Variants in CAMK1D observed in about 807,000 individuals in gnomAD.
CAMK1D encodes the protein calcium/calmodulin-dependent protein kinase type 1D.
Under a neutral mutation model 47.7 loss-of-function variants are expected in CAMK1D, and 9 were observed. The ratio of observed to expected loss-of-function variants is 0.19; its 90% CI spans 0.11 to 0.33. The LOEUF (loss-of-function observed/expected upper bound fraction) is 0.33. CAMK1D is among the 10% of genes least tolerant of loss of function. The pLI, the probability that CAMK1D is intolerant of heterozygous loss-of-function variation, is 1.00. For synonymous variants in CAMK1D, 184 were observed against 184.9 expected (o/e 0.99, Z 0.04); for missense variants, 291 against 488.7 (o/e 0.60, Z 3.81).
intron 2 of CAMK1D, among the ~76,000 whole-genome samples, chr10:12,625,765 C>A (rs11257920): frequency 0.44 from 67,061 of 151,576 alleles, 17,080 homozygotes; most frequent in Non-Finnish European, 0.54. Context: ...TAGTAGACTC[C>A]TTACACGTCT....
At chr10:12,614,038 T>G (rs1838708990) in intron 2 of CAMK1D, among the ~76,000 whole-genome samples, 1 of 152,152 alleles carries the variant, frequency 6.6e-6, no homozygotes, top group Non-Finnish European at 1.5e-5. Flanking sequence ...GCTTTTCTCC[T>G]TAATTATTAT....
chr10:12,761,367 G>A (rs930356151), intron 4 of CAMK1D, among the ~76,000 whole-genome samples: 10 of 152,074 alleles, frequency 6.6e-5, no homozygotes, highest in Admixed American at 5.2e-4. Context: ...ATATTGCTTC[G>A]AGCCTATCTA....
intron 6 of CAMK1D, among the ~76,000 whole-genome samples, chr10:12,804,293 A>C (rs1838616409): frequency 6.6e-6 from 1 of 152,180 alleles, no homozygotes; most frequent in Non-Finnish European, 1.5e-5. Context: ...TGTTCATCAA[A>C]GAATAATCGA....
chr10:12,694,501 T>C (rs1833165442), intron 3 of CAMK1D, among the ~76,000 whole-genome samples: 1 of 124,530 alleles, frequency 8.0e-6, no homozygotes, highest in Non-Finnish European at 1.6e-5. Flanking sequence ...TAACATAAAA[T>C]ATATATTATA....
chr10:12,443,315 A>G (rs1038476991), intron 1 of CAMK1D, among the ~76,000 whole-genome samples: 1 of 152,200 alleles, frequency 6.6e-6, no homozygotes, highest in Non-Finnish European at 1.5e-5. Flanking sequence ...GGGCTAACCT[A>G]TGTTGCCTCC....
At chr10:12,374,714 G>A (rs143102407) in intron 1 of CAMK1D, among the ~76,000 whole-genome samples, 4 of 152,130 alleles carry the variant, frequency 2.6e-5, no homozygotes, top group African/African-American at 7.2e-5. Flanking sequence ...AGGCTGAGGC[G>A]GGTGGGATCA....
At chr10:12,361,401 C>T (rs544787981) in intron 1 of CAMK1D, among the ~76,000 whole-genome samples, 6 of 151,792 alleles carry the variant, frequency 4.0e-5, no homozygotes, top group Non-Finnish European at 8.8e-5. Flanking sequence ...CATGCACCAC[C>T]ACACCCAGCT....
intron 1 of CAMK1D, among the ~76,000 whole-genome samples, chr10:12,469,313 G>GC (rs973403542): frequency 1.9e-5 from 2 of 103,392 alleles, no homozygotes; most frequent in South Asian, 3.2e-4. Context: ...AGGTTCCCCC[G>GC]CCCCCCTCCC....
intron 5 of CAMK1D, among the ~76,000 whole-genome samples, chr10:12,782,885 A>G (rs1316564187): frequency 6.6e-6 from 1 of 152,230 alleles, no homozygotes; most frequent in Admixed American, 6.5e-5. Flanking sequence ...CCTCTAGTTT[A>G]CTGTGGCACA....
intron 5 of CAMK1D, among the ~76,000 whole-genome samples, chr10:12,774,460 G>T (rs1837185330): frequency 6.6e-6 from 1 of 152,090 alleles, no homozygotes; most frequent in African/African-American, 2.4e-5. Context: ...GAGAGGAATA[G>T]GAGAGACAGT....
intron 1 of CAMK1D, among the ~76,000 whole-genome samples, chr10:12,542,050 T>A (rs1018701034): frequency 2.6e-5 from 4 of 151,926 alleles, no homozygotes; most frequent in African/African-American, 9.7e-5. Context: ...AATTTTTGAA[T>A]TTTTTTCTGG....
chr10:12,827,180 CTCTCTTT>C (rs1383194982), intron 10 of CAMK1D, among the ~76,000 whole-genome samples: 3 of 16,382 alleles, frequency 1.8e-4, no homozygotes, highest in Non-Finnish European at 2.3e-4. Context: ...CCTCTCTCTT[CTCTCTTT>C]TCTTTTCCCT....
intron 4 of CAMK1D, among the ~76,000 whole-genome samples, chr10:12,765,727 A>G (rs539122451): frequency 6.6e-6 from 1 of 152,272 alleles, no homozygotes; most frequent in South Asian, 2.1e-4. Context: ...AGTAGGTGAA[A>G]GAAAGAGAAG....
At chr10:12,794,856 A>C (rs769422646) in intron 6 of CAMK1D, among the ~76,000 whole-genome samples, 1 of 152,186 alleles carries the variant, frequency 6.6e-6, no homozygotes, top group South Asian at 2.1e-4. Context: ...ACACGACTGC[A>C]CTTGGAGTAC....
At chr10:12,716,640 C>T (rs564211431) in intron 3 of CAMK1D, among the ~76,000 whole-genome samples, 93 of 152,274 alleles carry the variant, frequency 6.1e-4, no homozygotes, top group Middle Eastern at 6.8e-3. Context: ...TTCCATCCCC[C>T]GAGATGAAGG....
chr10:12,793,839 C>T (rs955776760), intron 6 of CAMK1D, among the ~76,000 whole-genome samples: 1 of 152,190 alleles, frequency 6.6e-6, no homozygotes, highest in African/African-American at 2.4e-5. Context: ...CAACTAACCA[C>T]GTTTACCATG....
At chr10:12,582,403 T>G in intron 2 of CAMK1D, among the ~76,000 whole-genome samples, 1 of 152,168 alleles carries the variant, frequency 6.6e-6, no homozygotes, top group East Asian at 1.9e-4. Context: ...TTTTTAGGAT[T>G]GTTTTTCTAG....
At chr10:12,368,410 A>G (rs1837909668) in intron 1 of CAMK1D, among the ~76,000 whole-genome samples, 1 of 152,110 alleles carries the variant, frequency 6.6e-6, no homozygotes, top group Non-Finnish European at 1.5e-5. Context: ...TATTAAAAAA[A>G]AAAAAGTTTG....
intron 1 of CAMK1D, among the ~76,000 whole-genome samples, chr10:12,459,550 A>G (rs1833362891): frequency 6.6e-6 from 1 of 152,198 alleles, no homozygotes; most frequent in African/African-American, 2.4e-5. Context: ...TAGCCCTCAT[A>G]TTCCATATGT....
Sources: allele counts gnomAD v4.1 joint callset (sites outside exome capture counted in the v4.1 genomes callset), GRCh38; gene constraint gnomAD v4.1.1; transcripts MANE v1.5; gene names NCBI Gene and HGNC (gene_info 2026-07-23, HGNC 2026-07-21).